Variants in RBM26 observed in about 807,000 individuals in gnomAD.
RBM26 encodes the protein RNA-binding protein 26.
Under a neutral mutation model 123.6 loss-of-function variants are expected in RBM26, and 30 were observed. The observed-to-expected ratio is 0.24, with a 90% CI of 0.18 to 0.33. RBM26 has a LOEUF of 0.33. RBM26 is among the 10% of genes least tolerant of loss of function. The pLI, the probability that RBM26 is intolerant of heterozygous loss-of-function variation, is 1.00. For synonymous variants in RBM26, 400 were observed against 404.4 expected (o/e 0.99, Z 0.13); for missense variants, 947 against 1,203.6 (o/e 0.79, Z 3.15).
chr13:79,363,149 T>C (rs966614341), intron 9 of RBM26, among the ~76,000 whole-genome samples: 37 of 152,142 alleles, frequency 2.4e-4, no homozygotes, highest in Admixed American at 2.4e-3. Context: ...TTTCAATGCA[T>C]CAAAGGGCCC....
intron 1 of RBM26, among the ~76,000 whole-genome samples, chr13:79,381,703 T>C (rs2077083020): frequency 6.6e-6 from 1 of 152,076 alleles, no homozygotes; most frequent in Non-Finnish European, 1.5e-5. Flanking sequence ...TCATGATTTT[T>C]ATAATTATTA....
At chr13:79,391,184 G>A (rs991950639) in intron 1 of RBM26, among the ~76,000 whole-genome samples, 4 of 152,160 alleles carry the variant, frequency 2.6e-5, no homozygotes, top group Non-Finnish European at 5.9e-5. Context: ...CTGACTTCTC[G>A]TGGTAAGTCA....
intron 20 of RBM26, among the ~76,000 whole-genome samples, chr13:79,327,597 A>C (rs2068634394): frequency 1.3e-5 from 2 of 152,212 alleles, no homozygotes; most frequent in Non-Finnish European, 2.9e-5. Flanking sequence ...AAACCATCAA[A>C]TAGTTTGATA....
intron 1 of RBM26, among the ~76,000 whole-genome samples, chr13:79,392,561 A>G (rs546433026): frequency 0.012 from 1,722 of 146,820 alleles, 19 homozygotes; most frequent in Middle Eastern, 0.057. Flanking sequence ...TTAATATGTA[A>G]AATATGTTAT....
chr13:79,377,434 C>G lies in RBM26; in HGVS notation c.272G>C (p.Gly91Ala), dbSNP rs368248086. 1 of 1,613,558 alleles carries G rather than the reference C, an allele frequency of 6.2e-7. No individual in the cohort carries two copies. The highest frequency in any genetic ancestry group is 1.3e-5 in the African/African-American group (1 of 74,902). ...TGGAAAAAATTCTACCTTCAGGCTT[C>G]CTGATGATGGCTGCTCTGGAGGAGG... is the stretch of plus-strand genomic sequence containing the variant. ...YLPPPEQPSSGSLKVEFFPHQ... is the reference protein window; with the variant it reads ...YLPPPEQPSSASLKVEFFPHQ... Residue 91 changes from glycine (G) to alanine (A), a missense_variant, in exon 3 of 22, where the codon GGA becomes GCA. Around this residue, in one of 5 missense-constraint regions of RBM26, gnomAD observed 275 missense variants for 361.0 expected, o/e 0.76. Coordinates refer to ENST00000438737, the MANE Select transcript of RBM26 (RefSeq NM_001366735.2).
At chr13:79,395,141 A>C (rs2078445286) in intron 1 of RBM26, among the ~76,000 whole-genome samples, 1 of 152,248 alleles carries the variant, frequency 6.6e-6, no homozygotes, top group Admixed American at 6.5e-5. Context: ...TTTACACAAA[A>C]GATCTAGCAT....
At chr13:79,388,926 T>A (rs2077708078) in intron 1 of RBM26, among the ~76,000 whole-genome samples, 1 of 152,210 alleles carries the variant, frequency 6.6e-6, no homozygotes. Flanking sequence ...TGTTATTGCA[T>A]TTATAACTAT....
chr13:79,336,401 G>A (rs1255232451), intron 19 of RBM26, among the ~76,000 whole-genome samples: 2 of 152,126 alleles, frequency 1.3e-5, no homozygotes, highest in African/African-American at 4.8e-5. Flanking sequence ...CATATCTCCA[G>A]AGCAACTACT....
intron 20 of RBM26, among the ~76,000 whole-genome samples, chr13:79,326,621 C>T (rs1289494499): frequency 2.0e-5 from 3 of 152,100 alleles, no homozygotes; most frequent in Admixed American, 2.0e-4. Flanking sequence ...TTCTACAAAA[C>T]AGCCTGTAAA....
chr13:79,358,269 C>T lies in RBM26; in HGVS notation c.1689+5G>A. ...GAGATAACAAAACCATTTCATGGCTCTTACCTGTAAGTTAACCAAGGTTCC... is the reference window on the plus strand; with the variant it reads ...GAGATAACAAAACCATTTCATGGCTTTTACCTGTAAGTTAACCAAGGTTCC... On this transcript the variant is annotated splice_donor_5th_base_variant and intron_variant, in intron 11 of 21. Coordinates refer to ENST00000438737, the MANE Select transcript of RBM26 (RefSeq NM_001366735.2). 1.3e-6 allele frequency: 2 copies of T among 1,594,358 alleles called. No individual in the cohort carries two copies. The highest frequency in any genetic ancestry group is 8.5e-7 in the Non-Finnish European group (1 of 1,172,994).
chr13:79,405,583 C>T (rs2079462782), intron 1 of RBM26, 121 bp downstream of exon 1: 4 of 563,082 alleles, frequency 7.1e-6, no homozygotes, highest in Non-Finnish European at 1.2e-5. Context: ...GCCACAGAAC[C>T]CTGGGACCTC....
chr13:79,389,391 T>C (rs142186207), intron 1 of RBM26: 72 of 152,316 alleles, frequency 4.7e-4, no homozygotes, highest in African/African-American at 1.6e-3. Context: ...AAGATGTTCA[T>C]TGCAGAGTTA....
At chr13:79,337,359 G>GC in intron 18 of RBM26, 57 bp from the exon 19 acceptor site, 1 of 1,576,646 alleles carries the variant, frequency 6.3e-7, no homozygotes, top group Non-Finnish European at 8.7e-7. Context: ...CACAAGCCAA[G>GC]CATTACACTC....
At chr13:79,388,151 G>A (rs961792727) in intron 1 of RBM26, among the ~76,000 whole-genome samples, 1 of 152,200 alleles carries the variant, frequency 6.6e-6, no homozygotes, top group Non-Finnish European at 1.5e-5. Context: ...AAACTGGAAT[G>A]CAGTGGCGAT....
chr13:79,392,204 ATACAATAATACATAATT>A (rs2078131570), intron 1 of RBM26, among the ~76,000 whole-genome samples: 1 of 104,222 alleles, frequency 9.6e-6, no homozygotes, highest in Non-Finnish European at 1.9e-5. Flanking sequence ...ATTATATATT[ATACAATAATACATAATT>A]ATTATATAAT....
chr13:79,362,581 G>A (rs192931473), intron 9 of RBM26, among the ~76,000 whole-genome samples: 50 of 152,218 alleles, frequency 3.3e-4, no homozygotes, highest in Admixed American at 1.2e-3. Flanking sequence ...TATCTAGCAC[G>A]TGCGATGTTT....
At position 79,371,240 on chromosome 13, in the gene RBM26, C is replaced by T. The variant is rs1264865512; in HGVS notation, c.417-78G>A. ...AAAAGCTAATTAAATGCAAAAGTTA[C>T]ATTTAATTCTTGTAACTTAACTTTC... On this transcript the variant is annotated intron_variant, in intron 4 of 21. Coordinates refer to ENST00000438737, the MANE Select transcript of RBM26 (RefSeq NM_001366735.2). 4 of 1,175,898 alleles carry T rather than the reference C, an allele frequency of 3.4e-6. No homozygotes were observed. In the African/African-American group the frequency reaches 4.6e-5, roughly 14 times the overall value. 72.8% of individuals were successfully genotyped at this position (1,175,898 alleles called of 1,614,324 possible).
intron 1 of RBM26, among the ~76,000 whole-genome samples, chr13:79,403,561 CT>C (rs1240189658): frequency 6.6e-6 from 1 of 152,176 alleles, no homozygotes; most frequent in Non-Finnish European, 1.5e-5. Flanking sequence ...CACCTAATAA[CT>C]ACTGAATGCT....
At chr13:79,385,833 T>A (rs961434897) in intron 1 of RBM26, among the ~76,000 whole-genome samples, 7 of 152,184 alleles carry the variant, frequency 4.6e-5, no homozygotes, top group Admixed American at 3.9e-4. Flanking sequence ...TCACCAGGAC[T>A]CTCTATTCTG....
Sources: allele counts gnomAD v4.1 joint callset (sites outside exome capture counted in the v4.1 genomes callset), GRCh38; gene constraint gnomAD v4.1.1; regional missense constraint gnomAD v4.1.1; transcripts MANE v1.5; gene names NCBI Gene and HGNC (gene_info 2026-07-23, HGNC 2026-07-21).